NT5C1A: variants seen among roughly 807,000 people sequenced by gnomAD.
The protein encoded by NT5C1A is cytosolic 5'-nucleotidase 1A.
NT5C1A carries 18 observed loss-of-function variants against 31.0 expected under a neutral mutation model. The ratio of observed to expected loss-of-function variants is 0.58; its 90% CI spans 0.40 to 0.86. NT5C1A has a LOEUF of 0.86. Ranked by LOEUF, NT5C1A falls within the 40% of genes least tolerant of loss-of-function variation. NT5C1A has a pLI of 0.00. For missense variants in NT5C1A, 470 were observed against 505.4 expected (o/e 0.93, Z 0.67); for synonymous variants, 185 against 203.6 (o/e 0.91, Z 0.78).
rs555128486 is a variant in NT5C1A, at chr1:39,655,813, G to A, written c.*3308C>T. On this transcript the variant is annotated 3_prime_UTR_variant, in exon 6 of 6. Coordinates refer to ENST00000235628, the MANE Select transcript of NT5C1A (RefSeq NM_032526.3). ...CAGTGGAAAGGTCAGCTGAGGCCAC[G>A]AGGAGACATTCAGGGGACTCAGCGC... 9.9e-5 allele frequency among the ~76,000 whole-genome samples: 15 copies of A among 151,482 alleles called. No individual in the cohort carries two copies. Among genetic ancestry groups the A allele is most frequent in the African/African-American group, 3.1e-4 (13 of 41,376 alleles).
intron 3 of NT5C1A, among the ~76,000 whole-genome samples, chr1:39,663,709 ATAG>A (rs1557745728): frequency 1.7e-4 from 1 of 6,006 alleles, no homozygotes; most frequent in African/African-American, 7.9e-3. Flanking sequence ...CCTCCTGGCC[ATAG>A]CTGCCATAGC....
At chr1:39,664,485 TTTC>T (rs1420330482) in intron 3 of NT5C1A, among the ~76,000 whole-genome samples, 1 of 61,066 alleles carries the variant, frequency 1.6e-5, no homozygotes, top group East Asian at 4.4e-4. Context: ...CCAGAGTGGA[TTTC>T]TCCTCCTCTC....
intron 4 of NT5C1A, among the ~76,000 whole-genome samples, chr1:39,662,504 G>A (rs1646496897): frequency 6.6e-6 from 1 of 152,216 alleles, no homozygotes; most frequent in African/African-American, 2.4e-5. Context: ...CCTGGTTAAA[G>A]AAAGCCTCTA....
In NT5C1A at chr1:39,657,465, T is replaced by C; in HGVS notation, c.*1656A>G. Among the ~76,000 whole-genome samples the C allele has an allele frequency of 6.6e-6, 1 of 152,216 alleles. No homozygotes were observed. The highest frequency in any genetic ancestry group is 1.5e-5 in the Non-Finnish European group (1 of 68,032). On this transcript the variant is annotated 3_prime_UTR_variant, in exon 6 of 6. Coordinates refer to ENST00000235628, the MANE Select transcript of NT5C1A (RefSeq NM_032526.3). ...GCTTCTGCCCCTCTCATGATACTTT[T>C]GGTTTTCTTTACAAAGTGCTTGCTC...
chr1:39,671,932 T>C lies in NT5C1A; in HGVS notation c.107A>G (p.Asn36Ser). Residue 36 changes from asparagine to serine, a missense_variant, in exon 1 of 6, where the codon AAC becomes AGC. Physicochemically the swap from Asn to Ser is conservative, Grantham distance 46 (BLOSUM62 1). Transcript: ENST00000235628. Reference protein sequence around the residue: ...VWEEAKIFYDNLAPKKKPKSP... With the variant: ...VWEEAKIFYDSLAPKKKPKSP... ...TTTGGGTTTCTTCTTGGGCGCGAGG[T>C]TGTCGTAGAAAATCTTGGCTTCCTC... 1 of 1,613,370 alleles carries C rather than the reference T, an allele frequency of 6.2e-7. No individual in the cohort carries two copies. The highest frequency in any genetic ancestry group is 8.5e-7 in the Non-Finnish European group (1 of 1,179,850).
rs1013038758 is a variant in NT5C1A, at chr1:39,659,007, G to A, written c.*114C>T. The A allele has an allele frequency of 2.4e-5, 33 of 1,376,032 alleles. No individual in the cohort carries two copies. The highest frequency in any genetic ancestry group is 3.0e-5 in the Non-Finnish European group (31 of 1,020,522). 85.2% of individuals were successfully genotyped at this position (1,376,032 alleles called of 1,614,324 possible). On this transcript the variant is annotated 3_prime_UTR_variant, in exon 6 of 6. Coordinates refer to ENST00000235628, the MANE Select transcript of NT5C1A (RefSeq NM_032526.3). ...ACAAGTACATCACTCATAGGGATGA[G>A]GGCAGACAGGCAGAAGGACAGAACA...
At chr1:39,664,497 T>TCCTCTCCTC (rs1646510280) in intron 3 of NT5C1A, among the ~76,000 whole-genome samples, 15 of 1,822 alleles carry the variant, frequency 8.2e-3, no homozygotes, top group Admixed American at 0.018. Context: ...TCTCCTCCTC[T>TCCTCTCCTC]CCTCTCCTCT....
intron 2 of NT5C1A, among the ~76,000 whole-genome samples, 178 bp from the exon 3 acceptor site, chr1:39,665,828 C>T (rs1646518738): frequency 6.6e-6 from 1 of 152,154 alleles, no homozygotes; most frequent in Admixed American, 6.5e-5. Context: ...TAGAGAGAGT[C>T]GGGGCTGAAA....
In NT5C1A at chr1:39,672,098, G is replaced by C. The variant is rs1357110426; in HGVS notation, c.-60C>G. ...GGCGGCGTAGACGCGGAGGTGGCTG[G>C]GGCTGGGCTGCAGGAGGGAGGCGAG... is the stretch of plus-strand genomic sequence containing the variant. On this transcript the variant is annotated 5_prime_UTR_variant, in exon 1 of 6. Transcript: ENST00000235628. The C allele has an allele frequency of 7.8e-7, 1 of 1,284,612 alleles. No homozygotes were observed. The highest frequency in any genetic ancestry group is 2.7e-5 in the Admixed American group (1 of 36,534). 79.6% of individuals were successfully genotyped at this position (1,284,612 alleles called of 1,614,324 possible).
chr1:39,666,012 T>C (rs1646519567), intron 2 of NT5C1A, 57 bp downstream of exon 2: 1 of 1,534,526 alleles, frequency 6.5e-7, no homozygotes, highest in Non-Finnish European at 8.9e-7. Context: ...ATGGGAGTGC[T>C]TTTTTCTAAT....
rs771451575 is a variant in NT5C1A, at chr1:39,671,996, G to A, written c.43C>T (p.Pro15Ser). 9 of 1,608,480 alleles carry A rather than the reference G, an allele frequency of 5.6e-6. No individual in the cohort carries two copies. The highest frequency in any genetic ancestry group is 2.2e-5 in the East Asian group (1 of 44,764). ...QPREPQEPRE[P>S]GPGAETAAAP... ...GCAGCGGTCTCCGCTCCTGGCCCGG[G>A]CTCGCGGGGCTCCTGGGGCTCCCGG... The change falls in exon 1 of 6, where the codon CCC becomes TCC. Residue 15 changes from proline to serine, a missense_variant. By Grantham distance (74) the Pro-to-Ser change is moderately conservative. Transcript: ENST00000235628.
chr1:39,664,497 T>TCCCCTCCCCTCC (rs1226546503), intron 3 of NT5C1A, among the ~76,000 whole-genome samples: 1 of 1,824 alleles, frequency 5.5e-4, no homozygotes, highest in African/African-American at 2.4e-3. Flanking sequence ...TCTCCTCCTC[T>TCCCCTCCCCTCC]CCTCTCCTCT....
intron 5 of NT5C1A, among the ~76,000 whole-genome samples, chr1:39,660,869 T>C (rs1570457112): frequency 6.6e-6 from 1 of 151,132 alleles, no homozygotes; most frequent in Non-Finnish European, 1.5e-5. Context: ...CAAAGGAGGG[T>C]TGGGACTTCA....
In NT5C1A at chr1:39,652,480, G is replaced by T. The variant is rs564257174; in HGVS notation, c.*6641C>A. Among the ~76,000 whole-genome samples the T allele has an allele frequency of 6.6e-6, 1 of 151,936 alleles. No individual in the cohort carries two copies. Among genetic ancestry groups the T allele is most frequent in the Non-Finnish European group, 1.5e-5 (1 of 67,998 alleles). On this transcript the variant is annotated 3_prime_UTR_variant, in exon 6 of 6. Transcript: ENST00000235628. Reference sequence around the variant, plus strand: ...TCCACTCATTTATGTTTCCTGCCTCGCCCCTGTAGGCATTGGGGTTTGTGA... The same window carrying T: ...TCCACTCATTTATGTTTCCTGCCTCTCCCCTGTAGGCATTGGGGTTTGTGA...
chr1:39,666,287 C>T (rs1451245861), intron 1 of NT5C1A, 51 bp from the exon 2 acceptor site: 1 of 1,580,626 alleles, frequency 6.3e-7, no homozygotes, highest in Admixed American at 1.7e-5. Context: ...GCCCCTGAGG[C>T]AGGCTCACAT....
intron 1 of NT5C1A, among the ~76,000 whole-genome samples, chr1:39,669,329 A>C (rs1312512358): frequency 6.6e-6 from 1 of 152,120 alleles, no homozygotes; most frequent in Non-Finnish European, 1.5e-5. Context: ...AAACATAGGC[A>C]AAAAGCTGTT....
chr1:39,662,728 C>T (rs1019110610), intron 4 of NT5C1A, among the ~76,000 whole-genome samples: 3 of 152,220 alleles, frequency 2.0e-5, no homozygotes, highest in African/African-American at 7.2e-5. Flanking sequence ...ATAGGATACG[C>T]ACCTCGTTGG....
At position 39,659,327 on chromosome 1, in the gene NT5C1A, G is replaced by T; in HGVS notation, c.901C>A (p.Leu301Met). The T allele has an allele frequency of 6.2e-7, 1 of 1,613,976 alleles. No individual in the cohort carries two copies. Among genetic ancestry groups the T allele is most frequent in the Non-Finnish European group, 8.5e-7 (1 of 1,180,022 alleles). The change falls in exon 6 of 6, where the codon CTG becomes ATG. Residue 301 changes from leucine to methionine, a missense_variant. Physicochemically the swap from Leu to Met is conservative, Grantham distance 15. Transcript: ENST00000235628. Reference sequence around the variant, plus strand: ...AGGAACAAGGCTTCATCTGTCTCCAGGCCCCAGCTGCGCAGGGTCTTGAGA... The same window carrying T: ...AGGAACAAGGCTTCATCTGTCTCCATGCCCCAGCTGCGCAGGGTCTTGAGA... The part of the protein sequence containing the change: ...RALKTLRSWG[L>M]ETDEALFLAG...
rs1570464385 is a variant in NT5C1A, at chr1:39,671,821, C to G, written c.135+83G>C. On this transcript the variant is annotated intron_variant, in intron 1 of 5. Transcript: ENST00000235628. ...TGCGTCCCCTCCCAGAGGGGCGCCA[C>G]GGGTCCCTTCCCAAGAGACTTATGA... The G allele has an allele frequency of 7.2e-6, 11 of 1,536,832 alleles. No individual in the cohort carries two copies. The East Asian group carries it at 2.6e-4, about 36-fold the overall frequency.
Sources: gnomAD v4.1 joint callset for allele counts (sites outside exome capture counted in the v4.1 genomes callset) on GRCh38, gnomAD v4.1.1 for gene constraint, MANE v1.5 for transcripts, NCBI Gene and HGNC (gene_info 2026-07-23, HGNC 2026-07-21) for gene names.